Variants in LMNB1 observed in about 807,000 individuals in gnomAD.
The protein encoded by LMNB1 is lamin-B1.
In LMNB1, 23 loss-of-function variants were observed where a neutral mutation model predicts 67.1. That is an observed-to-expected ratio of 0.34 (90% CI 0.25 to 0.49). LMNB1 has a LOEUF of 0.49. Ranked by LOEUF, LMNB1 falls within the 20% of genes least tolerant of loss-of-function variation. The pLI, the probability that LMNB1 is intolerant of heterozygous loss-of-function variation, is 0.99. For missense variants in LMNB1, 634 were observed against 746.5 expected (o/e 0.85, Z 1.76); for synonymous variants, 281 against 282.9 (o/e 0.99, Z 0.07).
chr5:126,776,985 C>G (rs572614278), upstream of LMNB1: 2 of 152,828 alleles, frequency 1.3e-5, no homozygotes, highest in Non-Finnish European at 2.9e-5. Context: ...CCGAAGCGCG[C>G]TGCCTGCTCC....
chr5:126,820,306 G>T (rs1751832237), intron 6 of LMNB1, among the ~76,000 whole-genome samples: 1 of 152,136 alleles, frequency 6.6e-6, no homozygotes, highest in Non-Finnish European at 1.5e-5. Context: ...GTGGGTGGTG[G>T]TAGATCAGAT....
chr5:126,818,660 C>T (rs1264271652), intron 5 of LMNB1, among the ~76,000 whole-genome samples: 1 of 152,160 alleles, frequency 6.6e-6, no homozygotes, highest in Non-Finnish European at 1.5e-5. Flanking sequence ...TGGCTAAGTA[C>T]AGAAAAATTA....
chr5:126,789,127 TCC>T (rs1278934440), intron 1 of LMNB1, among the ~76,000 whole-genome samples: 1 of 151,986 alleles, frequency 6.6e-6, no homozygotes, highest in Non-Finnish European at 1.5e-5. Flanking sequence ...GCTCAAGCAA[TCC>T]GCCTGCCTCG....
chr5:126,787,542 A>ATTTTTTTTTTTTTTTT (rs1561735766), intron 1 of LMNB1, among the ~76,000 whole-genome samples: 1 of 68,274 alleles, frequency 1.5e-5, no homozygotes, highest in African/African-American at 5.4e-5. Flanking sequence ...ATATATATAT[A>ATTTTTTTTTTTTTTTT]TATATTTTTT....
chr5:126,824,946 C>G (rs981126877), intron 8 of LMNB1, among the ~76,000 whole-genome samples: 4 of 151,372 alleles, frequency 2.6e-5, no homozygotes, highest in African/African-American at 9.7e-5. Flanking sequence ...CCTCGGCCTC[C>G]CAAAGTGCTG....
intron 4 of LMNB1, 45 bp downstream of exon 4, chr5:126,810,395 C>A (rs369785456): frequency 2.5e-5 from 36 of 1,413,394 alleles, no homozygotes; most frequent in Non-Finnish European, 3.2e-5. Flanking sequence ...AAAATCATTA[C>A]TTCACAATTC....
intron 8 of LMNB1, among the ~76,000 whole-genome samples, chr5:126,824,492 T>C (rs948332383): frequency 1.3e-5 from 2 of 152,202 alleles, no homozygotes; most frequent in African/African-American, 4.8e-5. Flanking sequence ...ACAAGCCACA[T>C]TTTGCTGCGG....
intron 9 of LMNB1, among the ~76,000 whole-genome samples, chr5:126,829,242 T>C (rs1489926030): frequency 1.3e-5 from 2 of 151,954 alleles, no homozygotes; most frequent in African/African-American, 4.8e-5. Context: ...AAAATTTAAA[T>C]AGTGGACCTA....
chr5:126,812,295 T>C (rs1361682651), intron 5 of LMNB1, among the ~76,000 whole-genome samples: 1 of 152,234 alleles, frequency 6.6e-6, no homozygotes, highest in Admixed American at 6.5e-5. Flanking sequence ...AAAAATTCTT[T>C]GTGGGTGGTG....
At chr5:126,804,360 A>C (rs781754257) in intron 1 of LMNB1, among the ~76,000 whole-genome samples, 66 of 145,554 alleles carry the variant, frequency 4.5e-4, no homozygotes, top group Non-Finnish European at 8.2e-4. Context: ...TTACAGACGT[A>C]AGCCACTGCG....
chr5:126,789,853 T>G (rs1750905930), intron 1 of LMNB1, among the ~76,000 whole-genome samples: 1 of 152,156 alleles, frequency 6.6e-6, no homozygotes, highest in Non-Finnish European at 1.5e-5. Flanking sequence ...TTTTGTATTT[T>G]TAGTAGAGAT....
Position 126,826,054 on chromosome 5 carries a change from T to C in LMNB1, c.1558T>C (p.Ser520Pro). 2 of 1,614,080 alleles carry C rather than the reference T, an allele frequency of 1.2e-6. No homozygotes were observed. The highest frequency in any genetic ancestry group is 1.7e-6 in the Non-Finnish European group (2 of 1,179,960). Reference protein sequence around the residue: ...PTDLIWKNQNSWGTGEDVKVI... With the variant: ...PTDLIWKNQNPWGTGEDVKVI... ...TGACCTCATCTGGAAGAACCAGAAC[T>C]CGTGGGGCACTGGCGAAGATGTGAA... is the stretch of plus-strand genomic sequence containing the variant. Residue 520 changes from serine (S) to proline (P), a missense_variant, in exon 9 of 11, where the codon TCG becomes CCG. Ser to Pro is a moderately conservative substitution (Grantham distance 74, BLOSUM62 -1). Coordinates refer to ENST00000261366, the MANE Select transcript of LMNB1 (RefSeq NM_005573.4).
intron 9 of LMNB1, among the ~76,000 whole-genome samples, chr5:126,829,031 G>T (rs982354443): frequency 6.6e-6 from 1 of 151,988 alleles, no homozygotes; most frequent in African/African-American, 2.4e-5. Context: ...ATATTTGTCA[G>T]TAGGGACCAG....
At position 126,805,698 on chromosome 5, in the gene LMNB1, T is replaced by TA; in HGVS notation, c.642+4dup. On this transcript the variant is annotated splice_region_variant and intron_variant, in intron 3 of 10. Coordinates refer to ENST00000261366, the MANE Select transcript of LMNB1 (RefSeq NM_005573.4). The stretch of plus-strand genomic sequence containing the variant: ...TTTCGCAAAAGCATGTATGAAGAGG[T>TA]AACTATATATAATTTTGCTTTGTAA... 13 of 1,601,714 alleles carry TA rather than the reference T, an allele frequency of 8.1e-6. No homozygotes were observed. Among genetic ancestry groups the TA allele is most frequent in the Non-Finnish European group, 1.1e-5 (13 of 1,174,206 alleles).
intron 5 of LMNB1, 142 bp downstream of exon 5, chr5:126,812,040 T>G: frequency 1.4e-6 from 1 of 737,670 alleles, no homozygotes; most frequent in Admixed American, 2.8e-5. Flanking sequence ...GTCTTCACAG[T>G]ACTTTTCTAG....
In LMNB1 at chr5:126,791,978, TCA is replaced by T. The variant is rs1426476404; in HGVS notation, c.360-12796_360-12795del. 3.3e-5 allele frequency among the ~76,000 whole-genome samples: 5 copies of T among 151,996 alleles called. No individual in the cohort carries two copies. The East Asian group carries it at 9.7e-4, about 29-fold the overall frequency. Reference sequence around the variant, plus strand: ...TCGTATTTTTAGTAGAGACGGGGTTTCACCATGTTGGTCAGGCTGGTCTCGAA... The same window carrying T: ...TCGTATTTTTAGTAGAGACGGGGTTTCCATGTTGGTCAGGCTGGTCTCGAA... On this transcript the variant is annotated intron_variant, in intron 1 of 10. Coordinates refer to ENST00000261366, the MANE Select transcript of LMNB1 (RefSeq NM_005573.4).
intron 1 of LMNB1, among the ~76,000 whole-genome samples, chr5:126,793,198 A>G (rs1185654104): frequency 1.3e-5 from 2 of 152,216 alleles, no homozygotes; most frequent in Non-Finnish European, 1.5e-5. Flanking sequence ...AGCACATTGT[A>G]GATGAGTGAC....
intron 1 of LMNB1, among the ~76,000 whole-genome samples, chr5:126,798,020 A>G (rs187970192): frequency 2.6e-5 from 4 of 152,194 alleles, no homozygotes; most frequent in Admixed American, 2.6e-4. Flanking sequence ...CAGGAGGTGT[A>G]AGTTACAGTC....
chr5:126,778,282 G>C (rs1030102633), intron 1 of LMNB1, among the ~76,000 whole-genome samples: 1 of 152,138 alleles, frequency 6.6e-6, no homozygotes, highest in Non-Finnish European at 1.5e-5. Flanking sequence ...GCCGGCGCGA[G>C]ACAAAGCGTC....
Sources: allele counts gnomAD v4.1 joint callset (sites outside exome capture counted in the v4.1 genomes callset), GRCh38; gene constraint gnomAD v4.1.1; transcripts MANE v1.5; gene names NCBI Gene and HGNC (gene_info 2026-07-23, HGNC 2026-07-21).